PDE4D: variants seen among roughly 807,000 people sequenced by gnomAD.
PDE4D encodes the protein 3',5'-cyclic-AMP phosphodiesterase 4D.
PDE4D carries 24 observed loss-of-function variants against 87.4 expected under a neutral mutation model. The ratio of observed to expected loss-of-function variants is 0.27; its 90% confidence interval spans 0.20 to 0.39. The LOEUF (loss-of-function observed/expected upper bound fraction) is 0.39, where lower values mean the gene tolerates loss of function less well. Ranked by LOEUF, PDE4D falls within the 10% of genes least tolerant of loss-of-function variation. PDE4D has a pLI of 1.00. For missense variants in PDE4D, 714 were observed against 1,041.0 expected, an observed-to-expected ratio of 0.69 and a Z score of 4.32; for synonymous variants, 384 against 383.2, an observed-to-expected ratio of 1.00 and a Z score of -0.02.
intron 1 of PDE4D, among the ~76,000 whole-genome samples, chr5:60,472,190 T>A (rs1315627997): frequency 6.6e-6 from 1 of 152,188 alleles, no homozygotes; most frequent in African/African-American, 2.4e-5. Flanking sequence ...TTATAAATAA[T>A]AACACTTTAC....
At chr5:59,378,100 A>G (rs746008471) in intron 1 of PDE4D, among the ~76,000 whole-genome samples, 4 of 152,248 alleles carry the variant, frequency 2.6e-5, no homozygotes, top group Non-Finnish European at 4.4e-5. Context: ...CTCTGCAGCC[A>G]TAAAAAAGAA....
At chr5:59,710,901 A>G (rs1184257132) in intron 1 of PDE4D, among the ~76,000 whole-genome samples, 12 of 152,194 alleles carry the variant, frequency 7.9e-5, no homozygotes. Flanking sequence ...TATATGTGAT[A>G]CTAACAATAG....
At chr5:60,039,377 T>C (rs1218375503) in intron 2 of PDE4D, among the ~76,000 whole-genome samples, 14 of 148,510 alleles carry the variant, frequency 9.4e-5, no homozygotes, top group East Asian at 2.0e-4. Context: ...TAGGTGGGAA[T>C]TGAACAATGA....
intron 2 of PDE4D, among the ~76,000 whole-genome samples, chr5:60,029,842 G>A (rs968029616): frequency 1.3e-5 from 2 of 152,116 alleles, no homozygotes; most frequent in African/African-American, 4.8e-5. Flanking sequence ...TGATGATGTG[G>A]TAAATGGAGT....
chr5:59,254,341 A>G (rs1760549106), intron 1 of PDE4D, among the ~76,000 whole-genome samples: 1 of 152,018 alleles, frequency 6.6e-6, no homozygotes, highest in African/African-American at 2.4e-5. Context: ...TTTGATGTGG[A>G]TTGATTTGAA....
chr5:59,435,262 T>C (rs189776138), intron 1 of PDE4D, among the ~76,000 whole-genome samples: 30 of 152,302 alleles, frequency 2.0e-4, no homozygotes, highest in Non-Finnish European at 4.1e-4. Flanking sequence ...GTGAGTCCTT[T>C]GCTTGAAATT....
chr5:59,670,682 A>ATTTTTG (rs1747047868), intron 1 of PDE4D, among the ~76,000 whole-genome samples: 1 of 152,230 alleles, frequency 6.6e-6, no homozygotes, highest in African/African-American at 2.4e-5. Context: ...TTCAACCTGT[A>ATTTTTG]TATGTTAAAC....
chr5:60,107,102 G>A (rs920985561), intron 2 of PDE4D, among the ~76,000 whole-genome samples: 39 of 152,256 alleles, frequency 2.6e-4, no homozygotes, highest in South Asian at 6.2e-4. Flanking sequence ...AAAATTGATA[G>A]ACCGCTAGCA....
chr5:60,212,187 A>G (rs1474692355), intron 1 of PDE4D, among the ~76,000 whole-genome samples: 1 of 152,114 alleles, frequency 6.6e-6, no homozygotes, highest in East Asian at 1.9e-4. Flanking sequence ...CAAGTAACAC[A>G]TTCTAAATAT....
At chr5:60,462,909 A>C (rs1747068487) in intron 1 of PDE4D, among the ~76,000 whole-genome samples, 1 of 152,240 alleles carries the variant, frequency 6.6e-6, no homozygotes, top group Non-Finnish European at 1.5e-5. Context: ...GGCATATAAT[A>C]GAAAGCATCA....
At position 59,574,005 on chromosome 5, in the gene PDE4D, A is replaced by AAAAAAT. The variant is rs1266408182; in HGVS notation, c.455+319162_455+319163insATTTTT. Among the ~76,000 whole-genome samples, 12 of 119,710 alleles carry AAAAAAT rather than the reference A, an allele frequency of 1.0e-4. 1 individual carries two copies. Among genetic ancestry groups the AAAAAAT allele is most frequent in the African/African-American group, 4.2e-4 (12 of 28,474 alleles). The allele number at this position is 119,710 out of a possible 152,430, so 78.5% of individuals were successfully genotyped here. On this transcript the variant is annotated intron_variant, in intron 1 of 14. Transcript: ENST00000340635. Reference sequence around the variant, plus strand: ...AAAGGGAGACTCTGTCTCAAAAAAAAATATATATATATATATATATATAAA... The same window carrying AAAAAAT: ...AAAGGGAGACTCTGTCTCAAAAAAAAAAAAATATATATATATATATATATATATAAA...
At chr5:60,236,438 CAT>C in intron 1 of PDE4D, among the ~76,000 whole-genome samples, 1 of 151,770 alleles carries the variant, frequency 6.6e-6, no homozygotes, top group East Asian at 1.9e-4. Context: ...GGCAAAAAGA[CAT>C]AGACATTTTA....
At chr5:59,533,209 C>T (rs1445875699) in intron 1 of PDE4D, among the ~76,000 whole-genome samples, 1 of 152,140 alleles carries the variant, frequency 6.6e-6, no homozygotes, top group African/African-American at 2.4e-5. Context: ...GCACTTAGAA[C>T]TTTTATCATC....
At chr5:59,589,029 T>C (rs980236941) in intron 1 of PDE4D, among the ~76,000 whole-genome samples, 3 of 152,218 alleles carry the variant, frequency 2.0e-5, no homozygotes, top group Non-Finnish European at 2.9e-5. Flanking sequence ...CATTCTAAGA[T>C]AGTTACAGTA....
At chr5:60,272,991 C>T (rs35816084) in intron 1 of PDE4D, among the ~76,000 whole-genome samples, 77 of 152,264 alleles carry the variant, frequency 5.1e-4, no homozygotes, top group South Asian at 8.3e-4. Flanking sequence ...ATGGCAGGTT[C>T]CTTTCCTTAC....
intron 1 of PDE4D, among the ~76,000 whole-genome samples, chr5:59,517,763 G>C (rs995811365): frequency 6.6e-6 from 1 of 152,154 alleles, no homozygotes; most frequent in African/African-American, 2.4e-5. Flanking sequence ...ATCTAGGAGT[G>C]TTATTGTTCT....
At chr5:59,245,136 C>T (rs1278591258) in intron 1 of PDE4D, among the ~76,000 whole-genome samples, 1 of 152,038 alleles carries the variant, frequency 6.6e-6, no homozygotes, top group African/African-American at 2.4e-5. Flanking sequence ...TGAAGCAGGC[C>T]TCACCAATGT....
At chr5:60,312,908 T>C (rs1265303509) in intron 1 of PDE4D, among the ~76,000 whole-genome samples, 1 of 152,160 alleles carries the variant, frequency 6.6e-6, no homozygotes, top group Admixed American at 6.6e-5. Flanking sequence ...CCAGAATCTC[T>C]ATCTTATCAA....
At chr5:59,779,710 G>T (rs1764417790) in intron 1 of PDE4D, among the ~76,000 whole-genome samples, 1 of 152,072 alleles carries the variant, frequency 6.6e-6, no homozygotes, top group Admixed American at 6.5e-5. Flanking sequence ...CAATAGTATG[G>T]TTATTTCATA....
Sources: allele counts gnomAD v4.1 joint callset (sites outside exome capture counted in the v4.1 genomes callset), GRCh38; gene constraint gnomAD v4.1.1; transcripts MANE v1.5; gene names NCBI Gene and HGNC (gene_info 2026-07-23, HGNC 2026-07-21).